Variants in RASGEF1A observed in about 807,000 individuals in gnomAD.
RASGEF1A encodes the protein RasGEF domain family member 1A.
A neutral mutation model predicts 56.4 loss-of-function variants in RASGEF1A; 18 were observed. That is an observed-to-expected ratio of 0.32 (90% confidence interval 0.22 to 0.47). The LOEUF (loss-of-function observed/expected upper bound fraction) is 0.47. Ranked by LOEUF, RASGEF1A falls within the 20% of genes least tolerant of loss-of-function variation. The pLI is 1.00. For missense variants in RASGEF1A, 422 were observed against 627.1 expected, an observed-to-expected ratio of 0.67 and a Z score of 3.49; for synonymous variants, 245 against 242.6, an observed-to-expected ratio of 1.01 and a Z score of -0.09.
intron 4 of RASGEF1A, among the ~76,000 whole-genome samples, chr10:43,201,365 G>T (rs1839895615): frequency 1.3e-5 from 2 of 152,176 alleles, no homozygotes; most frequent in East Asian, 3.9e-4. Flanking sequence ...CACTGTGGAG[G>T]CCCAGTTGGC....
At chr10:43,258,102 T>G (rs1428509873) in intron 1 of RASGEF1A, among the ~76,000 whole-genome samples, 3 of 152,228 alleles carry the variant, frequency 2.0e-5, no homozygotes, top group Admixed American at 6.5e-5. Context: ...GCCTCTATAC[T>G]AGGTGGCTCA....
chr10:43,220,890 A>C (rs527732557), intron 1 of RASGEF1A, among the ~76,000 whole-genome samples: 5 of 152,272 alleles, frequency 3.3e-5, no homozygotes, highest in South Asian at 4.2e-4. Context: ...TGCAATGATC[A>C]GATGATATCT....
At chr10:43,214,155 C>T (rs1588935457) in intron 1 of RASGEF1A, among the ~76,000 whole-genome samples, 1 of 152,224 alleles carries the variant, frequency 6.6e-6, no homozygotes, top group East Asian at 1.9e-4. Flanking sequence ...CCATGAGCTC[C>T]TGAGAGCTGC....
Position 43,200,848 on chromosome 10 carries a change from T to C in RASGEF1A, c.500A>G (p.Gln167Arg), listed in dbSNP as rs1839885045. The C allele has an allele frequency of 1.2e-6, 2 of 1,614,084 alleles. No homozygotes were observed. The highest frequency in any genetic ancestry group is 2.7e-5 in the African/African-American group (2 of 75,078). Residue 167 changes from glutamine to arginine, a missense_variant, in exon 5 of 13, where the codon CAG becomes CGG. Gln to Arg is a conservative substitution (Grantham distance 43). Transcript: ENST00000395810. ...GGCAGCCAAGGACAGCAACAGGCTCTGTGTCATCTGGGCAATGGCCTTCTT... is the reference window on the plus strand; with the variant it reads ...GGCAGCCAAGGACAGCAACAGGCTCCGTGTCATCTGGGCAATGGCCTTCTT... ...TVKKAIAQMTQSLLLSLAARS... is the reference protein window; with the variant it reads ...TVKKAIAQMTRSLLLSLAARS...
chr10:43,230,516 G>T lies in RASGEF1A; in HGVS notation c.-6-24394C>A, dbSNP rs1053209490. Among the ~76,000 whole-genome samples the T allele has an allele frequency of 2.0e-5, 3 of 152,166 alleles. No homozygotes were observed. The South Asian group carries it at 6.2e-4, about 31-fold the overall frequency. ...GCGGAGCCGAAGAGCGCCCTCTCTG[G>T]GGGTCTGGATTGGAGCACCCAGCAC... On this transcript the variant is annotated intron_variant, in intron 1 of 12. Transcript: ENST00000395810.
At chr10:43,235,253 G>A (rs1247407334) in intron 1 of RASGEF1A, among the ~76,000 whole-genome samples, 2 of 152,196 alleles carry the variant, frequency 1.3e-5, no homozygotes, top group African/African-American at 2.4e-5. Flanking sequence ...ACCTGGGCAG[G>A]AGCCCACCGG....
chr10:43,226,885 G>A (rs1162658963), intron 1 of RASGEF1A, among the ~76,000 whole-genome samples: 1 of 152,180 alleles, frequency 6.6e-6, no homozygotes, highest in Admixed American at 6.5e-5. Context: ...CACTCAGAAC[G>A]GAACAGCCCA....
At chr10:43,231,783 G>A (rs1391706130) in intron 1 of RASGEF1A, among the ~76,000 whole-genome samples, 1 of 152,254 alleles carries the variant, frequency 6.6e-6, no homozygotes, top group Non-Finnish European at 1.5e-5. Flanking sequence ...GCCCTGCCAG[G>A]CGTCCTGCTT....
chr10:43,206,756 T>TGGCG, intron 1 of RASGEF1A: 2 of 986,294 alleles, frequency 2.0e-6, no homozygotes, highest in Non-Finnish European at 2.4e-6. Context: ...GTAGCAGGAG[T>TGGCG]GGCGAGCAGG....
At chr10:43,258,820 C>T (rs1836474971) in intron 1 of RASGEF1A, among the ~76,000 whole-genome samples, 1 of 152,246 alleles carries the variant, frequency 6.6e-6, no homozygotes, top group Non-Finnish European at 1.5e-5. Context: ...GGCTGGCCCT[C>T]CTGGCAAGCT....
At chr10:43,209,396 T>C (rs1475451769) in intron 1 of RASGEF1A, among the ~76,000 whole-genome samples, 1 of 152,120 alleles carries the variant, frequency 6.6e-6, no homozygotes, top group Non-Finnish European at 1.5e-5. Context: ...GGAGCCCAAG[T>C]CCGAGCCTGG....
At chr10:43,206,250 G>T in intron 1 of RASGEF1A, 128 bp from the exon 2 acceptor site, 2 of 774,366 alleles carry the variant, frequency 2.6e-6, no homozygotes, top group African/African-American at 1.7e-5. Context: ...AGCGGCACTG[G>T]CAGAGGGCAC....
chr10:43,262,175 G>C (rs1266221082), intron 1 of RASGEF1A, among the ~76,000 whole-genome samples: 1 of 152,136 alleles, frequency 6.6e-6, no homozygotes, highest in African/African-American at 2.4e-5. Context: ...TGGTGGGGGT[G>C]GGGAAACAAG....
intron 1 of RASGEF1A, chr10:43,229,612 G>A (rs1404283986): frequency 6.7e-7 from 1 of 1,487,242 alleles, no homozygotes; most frequent in African/African-American, 1.5e-5. Flanking sequence ...CCGCGGCCTT[G>A]CGCCTGGGCC....
chr10:43,229,531 C>T (rs963179487), intron 1 of RASGEF1A: 3 of 965,898 alleles, frequency 3.1e-6, no homozygotes, highest in South Asian at 1.7e-5. Context: ...AGGGCGGGCA[C>T]CCTCCCGCAC....
In RASGEF1A at chr10:43,199,179, G is replaced by T; in HGVS notation, c.865C>A (p.His289Asn). 1 of 1,610,856 alleles carries T rather than the reference G, an allele frequency of 6.2e-7. No individual in the cohort carries two copies. Among genetic ancestry groups the T allele is most frequent in the South Asian group, 1.1e-5 (1 of 90,654 alleles). ...TEVCRVVKKK[H>N]RTRMLEFFID... ...AAGAACTCCAACATGCGGGTCCGGT[G>T]TTTCTTCTTCACCACCTGGAAGGTG... The change falls in exon 8 of 13, where the codon CAC becomes AAC. Residue 289 changes from histidine (H) to asparagine (N), a missense_variant. Physicochemically the swap from His to Asn is moderately conservative, Grantham distance 68. Transcript: ENST00000395810.
intron 1 of RASGEF1A, among the ~76,000 whole-genome samples, chr10:43,256,100 C>T (rs1031287782): frequency 1.3e-5 from 2 of 152,186 alleles, no homozygotes; most frequent in Non-Finnish European, 2.9e-5. Flanking sequence ...AGGAGGAGGC[C>T]CCCAGGGGAC....
chr10:43,231,568 C>T (rs1182537846), intron 1 of RASGEF1A, among the ~76,000 whole-genome samples: 6 of 152,274 alleles, frequency 3.9e-5, no homozygotes, highest in Admixed American at 1.3e-4. Flanking sequence ...CTATCACGCT[C>T]ATCCCAGATT....
chr10:43,214,301 C>A (rs952567470), intron 1 of RASGEF1A, among the ~76,000 whole-genome samples: 1 of 152,180 alleles, frequency 6.6e-6, no homozygotes, highest in Non-Finnish European at 1.5e-5. Context: ...CTTTCCACTC[C>A]CGAATGTTCT....
Sources: allele counts gnomAD v4.1 joint callset (sites outside exome capture counted in the v4.1 genomes callset), GRCh38; gene constraint gnomAD v4.1.1; transcripts MANE v1.5; gene names NCBI Gene and HGNC (gene_info 2026-07-23, HGNC 2026-07-21).